Variants in BBS2 observed in about 807,000 individuals in gnomAD.
The protein encoded by BBS2 is BBSome complex member BBS2.
A neutral mutation model predicts 83.0 loss-of-function variants in BBS2; 62 were observed. That is an observed-to-expected ratio of 0.75 (90% CI 0.61 to 0.92). The LOEUF (loss-of-function observed/expected upper bound fraction) is 0.92. BBS2 is among the 40% of genes least tolerant of loss of function. The pLI, the probability that BBS2 is intolerant of heterozygous loss-of-function variation, is 0.00. For missense variants in BBS2, 784 were observed against 901.0 expected, an observed-to-expected ratio of 0.87 and a Z score of 1.66; for synonymous variants, 303 against 326.1, an observed-to-expected ratio of 0.93 and a Z score of 0.76.
chr16:56,480,830 T>G (rs565277105), downstream of BBS2, among the ~76,000 whole-genome samples: 112 of 152,338 alleles, frequency 7.4e-4, 1 homozygote, highest in Admixed American at 1.4e-3. Flanking sequence ...ATGGGTGTCC[T>G]GATGATTCCC....
Position 56,516,554 on chromosome 16 carries a change from G to A in BBS2, c.118-1874C>T, listed in dbSNP as rs538972343. ...TGGGATTACAGGGGTGCGCCACTAC[G>A]CCCAGCTAATTTTTGTATTTTTAGT... On this transcript the variant is annotated intron_variant, in intron 1 of 16. Transcript: ENST00000245157. Among the ~76,000 whole-genome samples, 15 of 152,032 alleles carry A rather than the reference G, an allele frequency of 9.9e-5. No individual in the cohort carries two copies. The South Asian group carries it at 1.5e-3, about 15-fold the overall frequency.
intron 12 of BBS2, chr16:56,499,525 A>C: frequency 2.3e-6 from 1 of 437,856 alleles, no homozygotes. Context: ...ACCATAACGG[A>C]AAGAGAGGAA....
Position 56,485,660 on chromosome 16 carries a change from G to A in BBS2, c.1989C>T (p.Asn663=), listed in dbSNP as rs373278876. 25 of 1,613,956 alleles carry A rather than the reference G, an allele frequency of 1.5e-5. No individual in the cohort carries two copies. Among genetic ancestry groups the A allele is most frequent in the Non-Finnish European group, 2.0e-5 (24 of 1,179,962 alleles). ...GGTTTCCCAACAGCTCTGTGTGATT[G>A]TTACAGCGAATTTTATATCCATTTA... ...DLLNGYKIRC[N]NHTELLGNLK... Residue 663 remains asparagine (N), a synonymous_variant, in exon 16 of 17, where the codon AAC becomes AAT. Coordinates refer to ENST00000245157, the MANE Select transcript of BBS2 (RefSeq NM_031885.5).
intron 15 of BBS2, among the ~76,000 whole-genome samples, chr16:56,493,735 G>A (rs1168359395): frequency 2.0e-5 from 3 of 152,122 alleles, no homozygotes; most frequent in Non-Finnish European, 2.9e-5. Flanking sequence ...CAAATCTGTG[G>A]CATAACCAAA....
At chr16:56,472,126 T>G (rs1963221499) in intron 17 of BBS2, among the ~76,000 whole-genome samples, 1 of 151,890 alleles carries the variant, frequency 6.6e-6, no homozygotes, top group South Asian at 2.1e-4. Flanking sequence ...CACACCCAAC[T>G]AATTTTCTTG....
intron 15 of BBS2, among the ~76,000 whole-genome samples, chr16:56,495,345 C>A (rs1184618495): frequency 3.9e-5 from 6 of 152,154 alleles, no homozygotes; most frequent in Non-Finnish European, 1.5e-5. Flanking sequence ...TTGCATGCTT[C>A]CTCATGGAAG....
chr16:56,485,826 AAAGAC>A, intron 15 of BBS2, 88 bp from the exon 16 acceptor site: 1 of 1,208,448 alleles, frequency 8.3e-7, no homozygotes, highest in South Asian at 1.2e-5. Flanking sequence ...CATACAAAGA[AAAGAC>A]ACCATTTTTA....
chr16:56,476,370 C>T (rs950792022), intron 17 of BBS2: 11 of 510,598 alleles, frequency 2.2e-5, no homozygotes, highest in African/African-American at 1.4e-4. Flanking sequence ...TCAACCGAGA[C>T]CTTGAGCTTG....
At chr16:56,493,032 A>G (rs1333395086) in intron 15 of BBS2, among the ~76,000 whole-genome samples, 1 of 152,164 alleles carries the variant, frequency 6.6e-6, no homozygotes, top group African/African-American at 2.4e-5. Context: ...CGTAAAGACA[A>G]ATGAGATGTA....
exon 18 of BBS2, chr16:56,470,685 C>T: frequency 6.2e-7 from 1 of 1,613,754 alleles, no homozygotes; most frequent in African/African-American, 1.3e-5. Flanking sequence ...AAGGGACTAG[C>T]CATAGTCCTC....
At chr16:56,494,398 C>T (rs1964053909) in intron 15 of BBS2, among the ~76,000 whole-genome samples, 1 of 152,016 alleles carries the variant, frequency 6.6e-6, no homozygotes, top group South Asian at 2.1e-4. Flanking sequence ...CCTAGCTCTA[C>T]GCATTGAAAA....
At position 56,496,871 on chromosome 16, in the gene BBS2, AC is replaced by A. The variant is rs1964128236; in HGVS notation, c.1910+95del. The A allele has an allele frequency of 5.2e-6, 5 of 952,834 alleles. No homozygotes were observed. In the South Asian group the frequency reaches 6.5e-5, roughly 12 times the overall value. The allele number at this position is 952,834 out of a possible 1,614,324, so 59.0% of individuals were successfully genotyped here. On this transcript the variant is annotated intron_variant, in intron 15 of 16. Coordinates refer to ENST00000245157, the MANE Select transcript of BBS2 (RefSeq NM_031885.5). The stretch of plus-strand genomic sequence containing the variant: ...CAAGTTATTTTCCAAAGTCACTGTA[AC>A]AATTTATACTTCTATTGGTAACATC...
chr16:56,477,594 A>G (rs1333804642), intron 17 of BBS2: 1 of 152,248 alleles, frequency 6.6e-6, no homozygotes, highest in Non-Finnish European at 1.5e-5. Context: ...CAGAATGCCA[A>G]GAGGCTGTGC....
intron 5 of BBS2, chr16:56,509,731 T>A: frequency 1.9e-6 from 1 of 524,468 alleles, no homozygotes; most frequent in South Asian, 2.1e-5. Context: ...TTCAACTATA[T>A]GCAATAATTT....
At chr16:56,499,576 C>G in intron 12 of BBS2, 2 of 585,432 alleles carry the variant, frequency 3.4e-6, no homozygotes, top group Non-Finnish European at 3.0e-6. Context: ...GAGGATTGCT[C>G]AGATGCTTTT....
Position 56,509,947 on chromosome 16 carries a change from A to G in BBS2, c.612+10T>C, listed in dbSNP as rs113091063. 2 of 1,613,624 alleles carry G rather than the reference A, an allele frequency of 1.2e-6. No homozygotes were observed. Among genetic ancestry groups the G allele is most frequent in the African/African-American group, 1.3e-5 (1 of 74,906 alleles). On this transcript the variant is annotated intron_variant, in intron 5 of 16. Transcript: ENST00000245157. Reference sequence around the variant, plus strand: ...TCAAGGTTACCATAGTTCGAGGTGGAGCTTCTTACCTCTGTTTCTGTCATT... The same window carrying G: ...TCAAGGTTACCATAGTTCGAGGTGGGGCTTCTTACCTCTGTTTCTGTCATT...
chr16:56,476,328 T>C (rs1963474944), intron 17 of BBS2: 2 of 886,320 alleles, frequency 2.3e-6, no homozygotes, highest in East Asian at 2.7e-5. Flanking sequence ...TTAAAACTGG[T>C]TGTCTTTTAC....
At chr16:56,492,974 T>G (rs1251809478) in intron 15 of BBS2, among the ~76,000 whole-genome samples, 1 of 151,676 alleles carries the variant, frequency 6.6e-6, no homozygotes, top group Admixed American at 6.6e-5. Context: ...ACAATCCAAA[T>G]AGAGGAAACT....
At chr16:56,493,492 T>C (rs975920394) in intron 15 of BBS2, among the ~76,000 whole-genome samples, 2 of 151,802 alleles carry the variant, frequency 1.3e-5, no homozygotes, top group Admixed American at 6.6e-5. Flanking sequence ...TCTGTGTGTA[T>C]CTGCATATAT....
Sources: allele counts gnomAD v4.1 joint callset (sites outside exome capture counted in the v4.1 genomes callset), GRCh38; gene constraint gnomAD v4.1.1; transcripts MANE v1.5; gene names NCBI Gene and HGNC (gene_info 2026-07-23, HGNC 2026-07-21).